The following GALNT13 variants were observed in gnomAD, a reference collection of about 807,000 sequenced individuals.
GALNT13 encodes polypeptide N-acetylgalactosaminyltransferase 13.
Under a neutral mutation model 64.2 loss-of-function variants are expected in GALNT13, and 28 were observed. That is an observed-to-expected ratio of 0.44 (90% CI 0.32 to 0.60). GALNT13 has a LOEUF of 0.60. GALNT13 is among the 20% of genes least tolerant of loss of function. GALNT13 has a pLI of 0.05. For missense variants in GALNT13, 577 were observed against 669.8 expected (o/e 0.86, Z 1.53); for synonymous variants, 214 against 224.6 (o/e 0.95, Z 0.42).
the GALNT13 span, among the ~76,000 whole-genome samples, chr2:153,304,334 A>G: frequency 3.9e-5 from 6 of 152,080 alleles, no homozygotes; most frequent in African/African-American, 7.2e-5. Flanking sequence ...GATTCCACCT[A>G]TAGATGAACT....
chr2:153,815,020 T>G, the GALNT13 span, among the ~76,000 whole-genome samples: 1 of 152,222 alleles, frequency 6.6e-6, no homozygotes, highest in African/African-American at 2.4e-5. Flanking sequence ...TTCCTAGTTC[T>G]ATGTGTAAGA....
chr2:153,844,755 G>A, the GALNT13 span, among the ~76,000 whole-genome samples: 1,832 of 152,216 alleles, frequency 0.012, 25 homozygotes, highest in South Asian at 0.039. Flanking sequence ...TCACATCTAA[G>A]CTTAGGCTGT....
intron 9 of GALNT13, among the ~76,000 whole-genome samples, chr2:154,326,635 A>G (rs1277917128): frequency 6.6e-6 from 1 of 152,136 alleles, no homozygotes; most frequent in Non-Finnish European, 1.5e-5. Flanking sequence ...TTGGAAAAAA[A>G]TGGAATCTGA....
chr2:154,450,725 T>A lies in GALNT13; in HGVS notation c.*174T>A. ...TGTTTGCTTATTTCCCTACTAAAAT[T>A]TGTATCTGATCAAAGCACATAAGAA... On this transcript the variant is annotated 3_prime_UTR_variant, in exon 13 of 13. Transcript: ENST00000392825. 1.7e-6 allele frequency: 1 copy of A among 574,158 alleles called. No homozygotes were observed. Among genetic ancestry groups the A allele is most frequent in the Non-Finnish European group, 2.9e-6 (1 of 339,334 alleles). 35.6% of individuals were successfully genotyped at this position (574,158 alleles called of 1,614,324 possible).
At chr2:153,172,790 G>A in the GALNT13 span, among the ~76,000 whole-genome samples, 1 of 152,198 alleles carries the variant, frequency 6.6e-6, no homozygotes, top group Non-Finnish European at 1.5e-5. Context: ...TTGGTAAGAT[G>A]AAAGAGAGGG....
the GALNT13 span, among the ~76,000 whole-genome samples, chr2:153,257,325 C>T: frequency 8.6e-4 from 131 of 152,124 alleles, 1 homozygote; most frequent in South Asian, 0.017. Context: ...GCACGGTGCG[C>T]GCACCCACTG....
At chr2:153,601,557 G>T in the GALNT13 span, among the ~76,000 whole-genome samples, 2 of 150,988 alleles carry the variant, frequency 1.3e-5, no homozygotes, top group African/African-American at 4.9e-5. Flanking sequence ...CATGTCAGAT[G>T]CAATTTCTCA....
chr2:153,079,624 G>A, the GALNT13 span, among the ~76,000 whole-genome samples: 1 of 152,148 alleles, frequency 6.6e-6, no homozygotes, highest in Non-Finnish European at 1.5e-5. Flanking sequence ...ATTATGGGTA[G>A]TTAGCCTTGG....
chr2:154,400,574 C>A (rs1699258040), intron 10 of GALNT13, among the ~76,000 whole-genome samples: 1 of 152,088 alleles, frequency 6.6e-6, no homozygotes, highest in Non-Finnish European at 1.5e-5. Flanking sequence ...TATCAGATAT[C>A]TGTATCTTAA....
the GALNT13 span, among the ~76,000 whole-genome samples, chr2:153,709,785 A>G: frequency 6.6e-6 from 1 of 152,082 alleles, no homozygotes; most frequent in African/African-American, 2.4e-5. Context: ...GTATATATAT[A>G]TATGTAATGA....
At chr2:153,566,677 GAA>G in the GALNT13 span, among the ~76,000 whole-genome samples, 1 of 152,114 alleles carries the variant, frequency 6.6e-6, no homozygotes, top group Non-Finnish European at 1.5e-5. Flanking sequence ...TGTAGATGAG[GAA>G]AAGTCAGGTT....
chr2:153,068,945 T>G, the GALNT13 span, among the ~76,000 whole-genome samples: 2 of 152,236 alleles, frequency 1.3e-5, no homozygotes, highest in Non-Finnish European at 2.9e-5. Context: ...TCTGAGTCAA[T>G]GCCACTTATG....
intron 3 of GALNT13, among the ~76,000 whole-genome samples, chr2:154,061,932 G>A (rs543991464): frequency 3.9e-5 from 6 of 152,180 alleles, no homozygotes; most frequent in Non-Finnish European, 8.8e-5. Flanking sequence ...GCCTTTGTAC[G>A]TTCAAATCTG....
chr2:153,370,434 A>C, the GALNT13 span, among the ~76,000 whole-genome samples: 1 of 152,198 alleles, frequency 6.6e-6, no homozygotes. Context: ...TTAGCAAATG[A>C]AATCCAGCAA....
At position 154,145,119 on chromosome 2, in the gene GALNT13, T is replaced by TATATAC. The variant is rs1444821982; in HGVS notation, c.311+4615_311+4616insTATACA. Among the ~76,000 whole-genome samples, 249 of 137,104 alleles carry TATATAC rather than the reference T, an allele frequency of 1.8e-3. 3 individuals carry two copies. The highest frequency in any genetic ancestry group is 6.1e-3 in the African/African-American group (220 of 36,338). The allele number at this position is 137,104 out of a possible 152,430, so 89.9% of individuals were successfully genotyped here. On this transcript the variant is annotated intron_variant, in intron 4 of 12. Coordinates refer to ENST00000392825, the MANE Select transcript of GALNT13 (RefSeq NM_052917.4). Reference sequence around the variant, plus strand: ...ATCTATCTATATATATATATATATATACACACACTAAAAATTTACATATAA... The same window carrying TATATAC: ...ATCTATCTATATATATATATATATATATATACACACACACTAAAAATTTACATATAA...
the GALNT13 span, among the ~76,000 whole-genome samples, chr2:153,194,180 G>GT: frequency 2.0e-5 from 3 of 152,002 alleles, no homozygotes; most frequent in African/African-American, 7.2e-5. Context: ...TGTTAAATCA[G>GT]TTTTTTATGT....
chr2:154,051,141 T>A (rs1402788478), intron 3 of GALNT13, among the ~76,000 whole-genome samples: 1 of 152,182 alleles, frequency 6.6e-6, no homozygotes, highest in Non-Finnish European at 1.5e-5. Flanking sequence ...GTTGTCTTAG[T>A]GGAAATCAGA....
chr2:153,904,619 A>G (rs1688438588), intron 2 of GALNT13, among the ~76,000 whole-genome samples: 1 of 151,890 alleles, frequency 6.6e-6, no homozygotes, highest in South Asian at 2.1e-4. Flanking sequence ...TCCTGTTCAT[A>G]TGTGTATTTT....
In GALNT13 at chr2:154,357,292, C is replaced by T. The variant is rs112484100; in HGVS notation, c.1157-38699C>T. Among the ~76,000 whole-genome samples the T allele has an allele frequency of 2.5e-3, 385 of 152,162 alleles. 4 individuals carry two copies. Among genetic ancestry groups the T allele is most frequent in the African/African-American group, 8.7e-3 (361 of 41,532 alleles). ...TATTTGGGGCAATATGTATTCTAAG[C>T]TGCATTACTGCTATATTTTGTAATT... On this transcript the variant is annotated intron_variant, in intron 9 of 12. Coordinates refer to ENST00000392825, the MANE Select transcript of GALNT13 (RefSeq NM_052917.4).
Sources: gnomAD v4.1 joint callset for allele counts (sites outside exome capture counted in the v4.1 genomes callset) on GRCh38, gnomAD v4.1.1 for gene constraint, MANE v1.5 for transcripts, NCBI Gene and HGNC (gene_info 2026-07-23, HGNC 2026-07-21) for gene names.